PEPD: variants seen among roughly 807,000 people sequenced by gnomAD.
PEPD encodes the protein peptidase D, also known as xaa-Pro dipeptidase.
In PEPD, 53 loss-of-function variants were observed where a neutral mutation model predicts 60.7. The ratio of observed to expected loss-of-function variants is 0.87; its 90% confidence interval spans 0.70 to 1.10. PEPD has a LOEUF of 1.10. Ranked by LOEUF, PEPD falls within the 50% of genes least tolerant of loss-of-function variation. The probability of loss-of-function intolerance (pLI) is 0.00; values close to 1 mark genes in which losing one functional copy is unlikely to be tolerated. For missense variants in PEPD, 711 were observed against 711.9 expected, an observed-to-expected ratio of 1.00 and a Z score of 0.01; for synonymous variants, 267 against 284.1, an observed-to-expected ratio of 0.94 and a Z score of 0.60.
chr19:33,470,773 C>G (rs944115872), intron 7 of PEPD, among the ~76,000 whole-genome samples: 1 of 152,134 alleles, frequency 6.6e-6, no homozygotes, highest in East Asian at 1.9e-4. Flanking sequence ...GGAGGCCTCT[C>G]CACCCAACCT....
intron 9 of PEPD, among the ~76,000 whole-genome samples, chr19:33,434,054 C>T (rs1283762931): frequency 2.6e-5 from 4 of 152,218 alleles, no homozygotes; most frequent in Non-Finnish European, 5.9e-5. Context: ...CTCTTCCCCT[C>T]TCCTCCTCTG....
chr19:33,452,585 G>A (rs1465380004), intron 9 of PEPD, among the ~76,000 whole-genome samples: 1 of 151,926 alleles, frequency 6.6e-6, no homozygotes, highest in Non-Finnish European at 1.5e-5. Context: ...GTTACATTAG[G>A]AATGAGAAAG....
chr19:33,466,773 AT>A (rs1426254621), intron 7 of PEPD, among the ~76,000 whole-genome samples: 1 of 120,102 alleles, frequency 8.3e-6, no homozygotes, highest in Non-Finnish European at 2.1e-5. Flanking sequence ...AAAAAAAGAA[AT>A]AAAAATTTTT....
chr19:33,452,149 C>T (rs575037322), intron 9 of PEPD, among the ~76,000 whole-genome samples: 2 of 152,252 alleles, frequency 1.3e-5, no homozygotes, highest in Admixed American at 1.3e-4. Context: ...ACACCAGCTG[C>T]ATTCTCTAGC....
chr19:33,465,006 G>A lies in PEPD; in HGVS notation c.549-944C>T, dbSNP rs75137979. On this transcript the variant is annotated intron_variant, in intron 7 of 14. Transcript: ENST00000244137. ...CAGTTCAGCTCCACCCCTTCCCAGC[G>A]GTGTGGCCAAGATCCCTACTCTGTG... Among the ~76,000 whole-genome samples the A allele has an allele frequency of 1.0e-2, 1,518 of 152,188 alleles. 21 individuals carry two copies. The highest frequency in any genetic ancestry group is 0.035 in the African/African-American group (1,437 of 41,506).
intron 3 of PEPD, among the ~76,000 whole-genome samples, chr19:33,505,547 C>A (rs1189205304): frequency 2.0e-5 from 3 of 151,984 alleles, no homozygotes; most frequent in Admixed American, 2.0e-4. Context: ...GCAAAGAGGG[C>A]CCCCGACACC....
At chr19:33,509,890 G>A (rs1382658801) in intron 3 of PEPD, among the ~76,000 whole-genome samples, 1 of 152,214 alleles carries the variant, frequency 6.6e-6, no homozygotes, top group African/African-American at 2.4e-5. Flanking sequence ...GTGGAGGAGG[G>A]TGCCCAGCAG....
At chr19:33,510,221 C>T (rs951302922) in intron 3 of PEPD, among the ~76,000 whole-genome samples, 1 of 152,166 alleles carries the variant, frequency 6.6e-6, no homozygotes, top group African/African-American at 2.4e-5. Flanking sequence ...TGGAGGAACA[C>T]CAGGGTTCTT....
chr19:33,437,505 A>T (rs1746488341), intron 9 of PEPD, among the ~76,000 whole-genome samples: 1 of 152,020 alleles, frequency 6.6e-6, no homozygotes, highest in Non-Finnish European at 1.5e-5. Flanking sequence ...CAGGCCTGGG[A>T]GACAGCACTC....
intron 11 of PEPD, among the ~76,000 whole-genome samples, chr19:33,406,214 TGATGTCTGGGAGCACCCAG>T (rs1968620779): frequency 6.6e-6 from 1 of 152,210 alleles, no homozygotes; most frequent in African/African-American, 2.4e-5. Flanking sequence ...CAGTGTCTCA[TGATGTCTGGGAGCACCCAG>T]GATGTCTGGA....
intron 6 of PEPD, among the ~76,000 whole-genome samples, chr19:33,486,316 C>T (rs562993634): frequency 4.7e-5 from 7 of 150,112 alleles, no homozygotes; most frequent in Non-Finnish European, 1.0e-4. Flanking sequence ...CATGCCCACA[C>T]CCACCCCTCC....
chr19:33,485,847 G>A (rs1028176241), intron 6 of PEPD, among the ~76,000 whole-genome samples: 1 of 152,066 alleles, frequency 6.6e-6, no homozygotes, highest in Non-Finnish European at 1.5e-5. Context: ...GTAAAATACT[G>A]ACCATATACA....
At position 33,387,055 on chromosome 19, in the gene PEPD, C is replaced by A; in HGVS notation, c.*289G>T. On this transcript the variant is annotated 3_prime_UTR_variant, in exon 15 of 15. Coordinates refer to ENST00000244137, the MANE Select transcript of PEPD (RefSeq NM_000285.4). ...CTGGGAAAAGGAATATAAATGACAG[C>A]AAGACACATTTTAGTTGCTACTAAA... 1 of 465,774 alleles carries A rather than the reference C, an allele frequency of 2.1e-6. No homozygotes were observed. Among genetic ancestry groups the A allele is most frequent in the Non-Finnish European group, 3.8e-6 (1 of 259,826 alleles). The allele number at this position is 465,774 out of a possible 1,614,324, so 28.9% of individuals were successfully genotyped here.
chr19:33,434,239 C>T (rs1291329555), intron 9 of PEPD, among the ~76,000 whole-genome samples: 1 of 152,196 alleles, frequency 6.6e-6, no homozygotes, highest in African/African-American at 2.4e-5. Flanking sequence ...ACAGTTTACC[C>T]ACCCGCCATA....
intron 11 of PEPD, among the ~76,000 whole-genome samples, chr19:33,404,449 C>A (rs955696222): frequency 1.6e-5 from 2 of 121,676 alleles, no homozygotes; most frequent in African/African-American, 4.3e-5. Context: ...ACTGAACTAT[C>A]GTTTAAAAAA....
intron 11 of PEPD, among the ~76,000 whole-genome samples, chr19:33,403,156 C>T (rs1030749810): frequency 6.6e-6 from 1 of 152,182 alleles, no homozygotes; most frequent in Non-Finnish European, 1.5e-5. Context: ...CAGGTGGTGC[C>T]CCTTTCCATC....
At chr19:33,433,138 C>T (rs898554748) in intron 9 of PEPD, among the ~76,000 whole-genome samples, 3 of 152,248 alleles carry the variant, frequency 2.0e-5, no homozygotes, top group Non-Finnish European at 4.4e-5. Flanking sequence ...CAATCCATGT[C>T]AATCAGGGCC....
intron 7 of PEPD, among the ~76,000 whole-genome samples, chr19:33,470,124 C>T (rs989924582): frequency 3.9e-5 from 6 of 152,088 alleles, no homozygotes; most frequent in Non-Finnish European, 7.4e-5. Context: ...ATCCAATTCA[C>T]GGCCAAGGGC....
chr19:33,502,554 A>C (rs1207597290), intron 3 of PEPD, among the ~76,000 whole-genome samples: 1 of 152,142 alleles, frequency 6.6e-6, no homozygotes, highest in African/African-American at 2.4e-5. Flanking sequence ...AATTGAAAGT[A>C]CCTCTGATTG....
Sources: allele counts gnomAD v4.1 joint callset (sites outside exome capture counted in the v4.1 genomes callset), GRCh38; gene constraint gnomAD v4.1.1; transcripts MANE v1.5; gene names NCBI Gene and HGNC (gene_info 2026-07-23, HGNC 2026-07-21).